The following SHC2 variants were observed in gnomAD, a reference collection of about 807,000 sequenced individuals.
SHC2 encodes SHC adaptor protein 2.
A neutral mutation model predicts 60.6 loss-of-function variants in SHC2; 62 were observed. That is an observed-to-expected ratio of 1.02 (90% confidence interval 0.83 to 1.26). The LOEUF (loss-of-function observed/expected upper bound fraction) is 1.26. SHC2 is among the 50% of genes most tolerant of loss of function. The probability of loss-of-function intolerance (pLI) is 0.00; values close to 1 mark genes in which losing one functional copy is unlikely to be tolerated. For missense variants in SHC2, 873 were observed against 822.2 expected (o/e 1.06, Z -0.76); for synonymous variants, 375 against 372.4 (o/e 1.01, Z -0.08).
chr19:434,790 C>T lies in SHC2; in HGVS notation c.1029G>A (p.Pro343=), dbSNP rs754579804. 9.3e-6 allele frequency: 15 copies of T among 1,612,752 alleles called. No individual in the cohort carries two copies. The highest frequency in any genetic ancestry group is 6.7e-5 in the East Asian group (3 of 44,872). Residue 343 remains proline, a synonymous_variant, in exon 8 of 13, where the codon CCG becomes CCA. Coordinates refer to ENST00000264554, the MANE Select transcript of SHC2 (RefSeq NM_012435.3). The part of the protein sequence containing the change: ...SLEHNYYNSI[P]GKEPPLGGLV... ...GCCCGCCCAGCGGCGGCTCCTTCCC[C>T]GGGATGCTGTTGTAGTAATTGTGCT...
At chr19:455,451 G>A (rs781274205) in intron 1 of SHC2, among the ~76,000 whole-genome samples, 3 of 152,322 alleles carry the variant, frequency 2.0e-5, no homozygotes, top group South Asian at 4.1e-4. Flanking sequence ...CGTGAGCCTC[G>A]GCGCCGGAGG....
At chr19:430,779 G>C in intron 8 of SHC2, 32 bp from the exon 9 acceptor site, 1 of 1,604,344 alleles carries the variant, frequency 6.2e-7, no homozygotes, top group Non-Finnish European at 8.5e-7. Context: ...GTTCCCCGGT[G>C]TGTGCAAGCC....
In SHC2 at chr19:438,713, C is replaced by T; in HGVS notation, c.720+5G>A. The T allele has an allele frequency of 6.4e-7, 1 of 1,552,936 alleles. No homozygotes were observed. The highest frequency in any genetic ancestry group is 8.7e-7 in the Non-Finnish European group (1 of 1,149,096). On this transcript the variant is annotated splice_donor_5th_base_variant and intron_variant, in intron 4 of 12. Coordinates refer to ENST00000264554, the MANE Select transcript of SHC2 (RefSeq NM_012435.3). This position sits in a 1 kb window ranked among gnomAD's most constrained non-coding sequence, Gnocchi z 5.0. ...GGGGACGCCAGGCGAAGAGGGCAGA[C>T]CCACCTGGCGCGTGGCAGGCACGGA... is the stretch of plus-strand genomic sequence containing the variant.
chr19:437,861 C>T (rs1470637408), intron 4 of SHC2, among the ~76,000 whole-genome samples: 3 of 152,202 alleles, frequency 2.0e-5, no homozygotes, highest in Non-Finnish European at 4.4e-5. Flanking sequence ...CTCACCACCT[C>T]CCAGAGCCCT....
chr19:434,108 G>A (rs559409245), intron 8 of SHC2, among the ~76,000 whole-genome samples: 3 of 142,786 alleles, frequency 2.1e-5, no homozygotes, highest in Admixed American at 7.0e-5. Context: ...GAGTGAGATC[G>A]TGAGTGAGAG....
rs1437593186 is a variant in SHC2, at chr19:424,788, G to A, written c.1309+309C>T. Among the ~76,000 whole-genome samples, 1 of 152,082 alleles carries A rather than the reference G, an allele frequency of 6.6e-6. No individual in the cohort carries two copies. On this transcript the variant is annotated intron_variant, in intron 10 of 12. Transcript: ENST00000264554. The surrounding 1 kb of genome is among the most constrained non-coding windows in gnomAD (Gnocchi z 4.5). Reference sequence around the variant, plus strand: ...TCAGCAGGGAGGCCCCGGGAGATGGGGTCCTGTAGGAGGGGCTGGGCCTCA... The same window carrying A: ...TCAGCAGGGAGGCCCCGGGAGATGGAGTCCTGTAGGAGGGGCTGGGCCTCA...
In SHC2 at chr19:440,612, G is replaced by A. The variant is rs1974839870; in HGVS notation, c.539+250C>T. ...CCCACGCCGTGCGGGGACTTGCCCA[G>A]CACCCTGTGAGCGACCGGCGTGTTC... is the stretch of plus-strand genomic sequence containing the variant. On this transcript the variant is annotated intron_variant, in intron 2 of 12. Coordinates refer to ENST00000264554, the MANE Select transcript of SHC2 (RefSeq NM_012435.3). The surrounding 1 kb of genome is among the most constrained non-coding windows in gnomAD (Gnocchi z 7.0). Among the ~76,000 whole-genome samples, 1 of 152,212 alleles carries A rather than the reference G, an allele frequency of 6.6e-6. No homozygotes were observed. Among genetic ancestry groups the A allele is most frequent in the Non-Finnish European group, 1.5e-5 (1 of 68,028 alleles).
At chr19:456,605 G>C (rs1208572376) in intron 1 of SHC2, among the ~76,000 whole-genome samples, 1 of 151,894 alleles carries the variant, frequency 6.6e-6, no homozygotes, top group East Asian at 1.9e-4. Context: ...CACAGAGAGA[G>C]TCCCGCTCCC....
At chr19:457,195 A>G (rs530848402) in intron 1 of SHC2, among the ~76,000 whole-genome samples, 1 of 125,746 alleles carries the variant, frequency 8.0e-6, no homozygotes, top group Non-Finnish European at 1.7e-5. Context: ...CCCCGACTAG[A>G]ACTCTGTCTG....
chr19:454,624 T>C (rs1248233251), intron 1 of SHC2, among the ~76,000 whole-genome samples: 2 of 152,110 alleles, frequency 1.3e-5, no homozygotes, highest in African/African-American at 4.8e-5. Flanking sequence ...CCATCTCTAC[T>C]GAAAATACAA....
intron 1 of SHC2, among the ~76,000 whole-genome samples, chr19:449,430 C>CG (rs1490684252): frequency 6.6e-6 from 1 of 152,060 alleles, no homozygotes; most frequent in Non-Finnish European, 1.5e-5. Flanking sequence ...GCTCTGACAC[C>CG]GTTGGGAAAA....
chr19:441,569 C>T lies in SHC2; in HGVS notation c.469-637G>A, dbSNP rs916452516. Reference sequence around the variant, plus strand: ...GGCGAAGGCCACAGCGTCCTTCCAACGTTGGCCCTTGCTGGAGGGAGGGTA... The same window carrying T: ...GGCGAAGGCCACAGCGTCCTTCCAATGTTGGCCCTTGCTGGAGGGAGGGTA... On this transcript the variant is annotated intron_variant, in intron 1 of 12. Coordinates refer to ENST00000264554, the MANE Select transcript of SHC2 (RefSeq NM_012435.3). This position sits in a 1 kb window ranked among gnomAD's most constrained non-coding sequence, Gnocchi z 4.9. Among the ~76,000 whole-genome samples the T allele has an allele frequency of 6.6e-6, 1 of 152,096 alleles. No individual in the cohort carries two copies. The highest frequency in any genetic ancestry group is 6.5e-5 in the Admixed American group (1 of 15,268).
At position 446,865 on chromosome 19, in the gene SHC2, G is replaced by C. The variant is rs993779173; in HGVS notation, c.469-5933C>G. ...GGCCTCACGCACGCAGCAGGCCAGGGCAGATACAAGCCGAGGTCCCCATGT... is the reference window on the plus strand; with the variant it reads ...GGCCTCACGCACGCAGCAGGCCAGGCCAGATACAAGCCGAGGTCCCCATGT... On this transcript the variant is annotated intron_variant, in intron 1 of 12. Transcript: ENST00000264554. This position sits in a 1 kb window ranked among gnomAD's most constrained non-coding sequence, Gnocchi z 5.4. Among the ~76,000 whole-genome samples the C allele has an allele frequency of 6.6e-6, 1 of 152,118 alleles. No individual in the cohort carries two copies. The highest frequency in any genetic ancestry group is 2.4e-5 in the African/African-American group (1 of 41,436).
In SHC2 at chr19:440,088, A is replaced by AACGCCATGCTCAATGAGAG. The variant is rs1974826520; in HGVS notation, c.539+773_539+774insCTCTCATTGAGCATGGCGT. Among the ~76,000 whole-genome samples, 1 of 148,700 alleles carries AACGCCATGCTCAATGAGAG rather than the reference A, an allele frequency of 6.7e-6. No homozygotes were observed. Among genetic ancestry groups the AACGCCATGCTCAATGAGAG allele is most frequent in the African/African-American group, 2.6e-5 (1 of 39,080 alleles). On this transcript the variant is annotated intron_variant, in intron 2 of 12. Coordinates refer to ENST00000264554, the MANE Select transcript of SHC2 (RefSeq NM_012435.3). The surrounding 1 kb of genome is among the most constrained non-coding windows in gnomAD (Gnocchi z 7.0). ...GGCCACAGCGCGGACACACCTCGGGAACGCCATGCTCAGTGAGAGACGCCA... is the reference window on the plus strand; with the variant it reads ...GGCCACAGCGCGGACACACCTCGGGAACGCCATGCTCAATGAGAGACGCCATGCTCAGTGAGAGACGCCA...
chr19:434,956 C>T, intron 7 of SHC2, 91 bp from the exon 8 acceptor site: 1 of 1,381,034 alleles, frequency 7.2e-7, no homozygotes, highest in East Asian at 2.4e-5. Flanking sequence ...CAGGAAATAT[C>T]TGAGTTCGAA....
At chr19:439,145 G>C in intron 2 of SHC2, 115 bp from the exon 3 acceptor site, 1 of 373,122 alleles carries the variant, frequency 2.7e-6, no homozygotes, top group Non-Finnish European at 5.0e-6. Flanking sequence ...GCTCAGAGAA[G>C]GGCGAGAGAG....
At position 424,733 on chromosome 19, in the gene SHC2, G is replaced by A. The variant is rs182525575; in HGVS notation, c.1309+364C>T. Among the ~76,000 whole-genome samples, 3 of 152,278 alleles carry A rather than the reference G, an allele frequency of 2.0e-5. No individual in the cohort carries two copies. The highest frequency in any genetic ancestry group is 4.4e-5 in the Non-Finnish European group (3 of 68,008). ...GAGTGGAGCTTCTCACAGAGCGGGG[G>A]CCAGCGGCATTCCCAACCAGACTGG... On this transcript the variant is annotated intron_variant, in intron 10 of 12. Transcript: ENST00000264554. This position sits in a 1 kb window ranked among gnomAD's most constrained non-coding sequence, Gnocchi z 4.5.
intron 1 of SHC2, among the ~76,000 whole-genome samples, chr19:447,788 T>A (rs1975085848): frequency 6.6e-6 from 1 of 151,024 alleles, no homozygotes; most frequent in Non-Finnish European, 1.5e-5. Context: ...AAAAAAAAAA[T>A]TAAAAAATTA....
intron 1 of SHC2, among the ~76,000 whole-genome samples, chr19:457,974 CTGGGGAGG>C (rs1975397757): frequency 7.4e-6 from 1 of 134,830 alleles, no homozygotes. Flanking sequence ...GAAGCGGGTC[CTGGGGAGG>C]CGGAAGCCGG....
Sources: gnomAD v4.1 joint callset for allele counts (sites outside exome capture counted in the v4.1 genomes callset) on GRCh38, gnomAD v4.1.1 for gene constraint, Gnocchi (gnomAD v3.1) non-coding constraint, MANE v1.5 for transcripts, NCBI Gene and HGNC (gene_info 2026-07-23, HGNC 2026-07-21) for gene names.